The following FGF2 variants were observed in gnomAD, a reference collection of about 807,000 sequenced individuals.
FGF2 encodes fibroblast growth factor 2, also known as basic fibroblast growth factor bFGF.
A neutral mutation model predicts 15.9 loss-of-function variants in FGF2; 13 were observed. The ratio of observed to expected loss-of-function variants is 0.82; its 90% CI spans 0.53 to 1.30. The LOEUF (loss-of-function observed/expected upper bound fraction) is 1.30, where lower values mean the gene tolerates loss of function less well. Among genes scored for constraint, FGF2 ranks in the 50% most tolerant of loss-of-function variants. The pLI is 0.00. For synonymous variants in FGF2, 90 were observed against 78.4 expected (o/e 1.15, Z -0.78); for missense variants, 163 against 196.9 (o/e 0.83, Z 1.03).
intron 2 of FGF2, among the ~76,000 whole-genome samples, chr4:122,885,926 T>C (rs1342144629): frequency 6.9e-6 from 1 of 144,024 alleles, no homozygotes; most frequent in Non-Finnish European, 1.5e-5. Flanking sequence ...TTTTTTTTTT[T>C]TTTTTTTTTT....
At chr4:122,856,723 C>T (rs1306051524) in intron 1 of FGF2, among the ~76,000 whole-genome samples, 1 of 152,140 alleles carries the variant, frequency 6.6e-6, no homozygotes, top group African/African-American at 2.4e-5. Context: ...AATTTTCCCC[C>T]ATTGTAACAT....
At chr4:122,840,309 T>C (rs541255401) in intron 1 of FGF2, 5 of 152,220 alleles carry the variant, frequency 3.3e-5, no homozygotes, top group African/African-American at 9.7e-5. Flanking sequence ...ATCATGTTAC[T>C]TCTCAGAAAC....
chr4:122,839,186 A>T (rs1560737798), intron 1 of FGF2, among the ~76,000 whole-genome samples: 1 of 152,220 alleles, frequency 6.6e-6, no homozygotes, highest in Admixed American at 6.5e-5. Flanking sequence ...CATGTAACAC[A>T]GTGGTATTTG....
At chr4:122,836,619 T>C (rs1220915091) in intron 1 of FGF2, among the ~76,000 whole-genome samples, 1 of 152,230 alleles carries the variant, frequency 6.6e-6, no homozygotes, top group Non-Finnish European at 1.5e-5. Context: ...GAGGCTGAAT[T>C]TACTCATCCC....
chr4:122,827,023 G>A lies in FGF2; in HGVS notation c.-152G>A, dbSNP rs1725649475. 2 of 1,194,770 alleles carry A rather than the reference G, an allele frequency of 1.7e-6. No homozygotes were observed. The highest frequency in any genetic ancestry group is 2.1e-6 in the Non-Finnish European group (2 of 964,844). The allele number at this position is 1,194,770 out of a possible 1,614,324, so 74.0% of individuals were successfully genotyped here. Reference sequence around the variant, plus strand: ...AGCGGCTCGAGGCTGGGGGACCGCGGGCGCGGCCGCGCGCTGCCGGGCGGG... The same window carrying A: ...AGCGGCTCGAGGCTGGGGGACCGCGAGCGCGGCCGCGCGCTGCCGGGCGGG... On this transcript the variant is annotated 5_prime_UTR_variant, in exon 1 of 3. Coordinates refer to ENST00000644866, the MANE Select transcript of FGF2 (RefSeq NM_001361665.2). The surrounding 1 kb of genome is among the most constrained non-coding windows in gnomAD (Gnocchi z 4.2).
At position 122,895,150 on chromosome 4, in the gene FGF2, G is replaced by T. The variant is rs1727311861; in HGVS notation, c.*2754G>T. On this transcript the variant is annotated 3_prime_UTR_variant, in exon 3 of 3. Transcript: ENST00000644866. ...CGGGAGACCCTTCCACCTCAAGATG[G>T]ATATTTCTTCCCCAAGGATTTCAAG... is the stretch of plus-strand genomic sequence containing the variant. The T allele has an allele frequency of 1.3e-5, 2 of 152,140 alleles. No homozygotes were observed. Among genetic ancestry groups the T allele is most frequent in the South Asian group, 4.1e-4 (2 of 4,824 alleles). The allele number at this position is 152,140 out of a possible 1,614,324, so 9.4% of individuals were successfully genotyped here.
chr4:122,837,760 C>G (rs1245553816), intron 1 of FGF2, among the ~76,000 whole-genome samples: 1 of 152,046 alleles, frequency 6.6e-6, no homozygotes, highest in Non-Finnish European at 1.5e-5. Context: ...AATTCTGATT[C>G]TGGGATGGTA....
At chr4:122,832,653 G>T (rs1165821506) in intron 1 of FGF2, among the ~76,000 whole-genome samples, 1 of 152,184 alleles carries the variant, frequency 6.6e-6, no homozygotes, top group Non-Finnish European at 1.5e-5. Context: ...TTAGGATCTG[G>T]TCTAGTACTT....
At chr4:122,855,005 G>A (rs369981692) in intron 1 of FGF2, among the ~76,000 whole-genome samples, 3 of 151,938 alleles carry the variant, frequency 2.0e-5, no homozygotes, top group African/African-American at 4.8e-5. Context: ...CACACATGCC[G>A]CTCTGTTTTC....
At chr4:122,834,690 C>A (rs993085810) in intron 1 of FGF2, among the ~76,000 whole-genome samples, 1 of 152,226 alleles carries the variant, frequency 6.6e-6, no homozygotes, top group African/African-American at 2.4e-5. Context: ...CCACTCCCCT[C>A]CTCTTGCCTT....
chr4:122,843,457 C>T (rs1468659790), intron 1 of FGF2, among the ~76,000 whole-genome samples: 2 of 152,116 alleles, frequency 1.3e-5, no homozygotes, highest in South Asian at 2.1e-4. Context: ...GGGTTTTAAT[C>T]AGAGAATAAG....
chr4:122,837,817 C>T (rs1042861457), intron 1 of FGF2, among the ~76,000 whole-genome samples: 1 of 152,120 alleles, frequency 6.6e-6, no homozygotes, highest in Non-Finnish European at 1.5e-5. Flanking sequence ...AACTTTTCAT[C>T]TAAGCTTTTC....
intron 2 of FGF2, among the ~76,000 whole-genome samples, chr4:122,889,596 T>A (rs1013842366): frequency 6.6e-5 from 10 of 152,142 alleles, no homozygotes; most frequent in Non-Finnish European, 1.0e-4. Flanking sequence ...CTCATTTTTT[T>A]AAAAAAATGC....
intron 1 of FGF2, among the ~76,000 whole-genome samples, chr4:122,874,763 T>C (rs1336693968): frequency 6.6e-6 from 1 of 152,126 alleles, no homozygotes; most frequent in African/African-American, 2.4e-5. Context: ...CATAATGATA[T>C]CTAACAAAGT....
chr4:122,870,633 C>T (rs975313381), intron 1 of FGF2, among the ~76,000 whole-genome samples: 3 of 152,150 alleles, frequency 2.0e-5, no homozygotes, highest in Admixed American at 6.5e-5. Flanking sequence ...ATTGTATTCT[C>T]TGATGATAGT....
At chr4:122,846,368 G>T (rs554605986) in intron 1 of FGF2, among the ~76,000 whole-genome samples, 36 of 152,308 alleles carry the variant, frequency 2.4e-4, no homozygotes, top group African/African-American at 7.9e-4. Context: ...AGACTTGCTC[G>T]ATGCAGGATT....
At chr4:122,863,438 A>G (rs1224157461) in intron 1 of FGF2, among the ~76,000 whole-genome samples, 1 of 152,110 alleles carries the variant, frequency 6.6e-6, no homozygotes, top group Non-Finnish European at 1.5e-5. Flanking sequence ...CTAGGTGTGT[A>G]GGACTTAAGT....
intron 1 of FGF2, among the ~76,000 whole-genome samples, chr4:122,849,419 G>A (rs1379525985): frequency 1.1e-4 from 17 of 152,094 alleles, no homozygotes; most frequent in Non-Finnish European, 1.8e-4. Flanking sequence ...CATGGACACA[G>A]GGAAGGGAAC....
Position 122,852,381 on chromosome 4 carries a change from G to A in FGF2, c.179-23940G>A, listed in dbSNP as rs114998575. ...CTTTTTCAGTGGCTGGATCTCAAGA[G>A]GAAAGGGTTCCAAGAGAGCAAGCTC... is the stretch of plus-strand genomic sequence containing the variant. On this transcript the variant is annotated intron_variant, in intron 1 of 2. Coordinates refer to ENST00000644866, the MANE Select transcript of FGF2 (RefSeq NM_001361665.2). 4.0e-3 allele frequency among the ~76,000 whole-genome samples: 609 copies of A among 152,316 alleles called. 3 individuals are homozygous for A. Among genetic ancestry groups the A allele is most frequent in the African/African-American group, 0.014 (566 of 41,574 alleles).
Sources: allele counts gnomAD v4.1 joint callset (sites outside exome capture counted in the v4.1 genomes callset), GRCh38; gene constraint gnomAD v4.1.1; non-coding constraint Gnocchi (gnomAD v3.1); transcripts MANE v1.5; gene names NCBI Gene and HGNC (gene_info 2026-07-23, HGNC 2026-07-21).